Variants in GABRB3 observed in about 807,000 individuals in gnomAD.
GABRB3 encodes the protein gamma-aminobutyric acid type A receptor subunit beta3, also known as gamma-aminobutyric acid receptor subunit beta-3.
In GABRB3, 14 loss-of-function variants were observed where a neutral mutation model predicts 52.1. That is an observed-to-expected ratio of 0.27 (90% CI 0.18 to 0.42). The LOEUF is 0.42. Among genes scored for constraint, GABRB3 ranks in the 10% least tolerant of loss-of-function variants. The pLI is 1.00. For synonymous variants in GABRB3, 260 were observed against 232.3 expected (o/e 1.12, Z -1.08); for missense variants, 307 against 609.1 (o/e 0.50, Z 5.22).
Position 26,621,597 on chromosome 15 carries a change from G to C in GABRB3, c.241-63C>G. On this transcript the variant is annotated intron_variant, in intron 3 of 8. Coordinates refer to ENST00000311550, the MANE Select transcript of GABRB3 (RefSeq NM_000814.6). This position sits in a 1 kb window ranked among gnomAD's most constrained non-coding sequence, Gnocchi z 4.1. ...CCAGCCACAGGTGTATTTCCTCCAC[G>C]ACCAGCCAAATTCAGGTTGCAATCT... 1 of 1,332,486 alleles carries C rather than the reference G, an allele frequency of 7.5e-7. No individual in the cohort carries two copies. Among genetic ancestry groups the C allele is most frequent in the Non-Finnish European group, 1.1e-6 (1 of 938,432 alleles). The allele number at this position is 1,332,486 out of a possible 1,614,324, so 82.5% of individuals were successfully genotyped here.
At chr15:26,743,113 A>T (rs571543416) in intron 3 of GABRB3, among the ~76,000 whole-genome samples, 1 of 151,954 alleles carries the variant, frequency 6.6e-6, no homozygotes, top group Non-Finnish European at 1.5e-5. Context: ...TATTTTTAGT[A>T]GAGATGGTGT....
At chr15:26,597,137 CCCCA>C (rs1437774344) in intron 4 of GABRB3, among the ~76,000 whole-genome samples, 3 of 152,166 alleles carry the variant, frequency 2.0e-5, no homozygotes, top group Non-Finnish European at 4.4e-5. Context: ...CTCTTAAAGG[CCCCA>C]CCTCTCCATG....
intron 3 of GABRB3, among the ~76,000 whole-genome samples, chr15:26,727,821 A>G (rs1241525921): frequency 1.3e-5 from 2 of 152,204 alleles, no homozygotes; most frequent in African/African-American, 4.8e-5. Flanking sequence ...AGGTTCATAC[A>G]AGCCTTACTT....
chr15:26,738,767 C>G (rs1890129661), intron 3 of GABRB3, among the ~76,000 whole-genome samples: 1 of 152,134 alleles, frequency 6.6e-6, no homozygotes, highest in Non-Finnish European at 1.5e-5. Flanking sequence ...TCCAGGAGGA[C>G]CAGGGCTTAC....
intron 3 of GABRB3, among the ~76,000 whole-genome samples, chr15:26,661,715 G>A (rs897911658): frequency 2.0e-5 from 3 of 152,106 alleles, no homozygotes; most frequent in Non-Finnish European, 4.4e-5. Context: ...TTGCAATGAA[G>A]TGAGGGGACA....
At chr15:26,611,630 A>C (rs991278375) in intron 4 of GABRB3, among the ~76,000 whole-genome samples, 1 of 152,212 alleles carries the variant, frequency 6.6e-6, no homozygotes, top group Non-Finnish European at 1.5e-5. Context: ...GTATGAAAAA[A>C]CAGAAAGTCC....
At chr15:26,662,640 T>C (rs1887586399) in intron 3 of GABRB3, among the ~76,000 whole-genome samples, 1 of 152,186 alleles carries the variant, frequency 6.6e-6, no homozygotes, top group Non-Finnish European at 1.5e-5. Context: ...ACCCTGGTCC[T>C]TGCACGCACA....
chr15:26,639,932 C>A (rs545225821), intron 3 of GABRB3, among the ~76,000 whole-genome samples: 1 of 152,154 alleles, frequency 6.6e-6, no homozygotes, highest in Non-Finnish European at 1.5e-5. Flanking sequence ...GTCTATGATG[C>A]CAACAAGAGT....
intron 3 of GABRB3, among the ~76,000 whole-genome samples, chr15:26,649,512 A>G (rs1163593669): frequency 6.6e-6 from 1 of 152,190 alleles, no homozygotes; most frequent in Non-Finnish European, 1.5e-5. Context: ...CTGTTATAGC[A>G]GCAGGAATGG....
In GABRB3 at chr15:26,679,137, G is replaced by T. The variant is rs138239751; in HGVS notation, c.241-57603C>A. ...ACCAACACTTCAGTCATACCTTATG[G>T]GACATGAGGTGTGGGTTGTTGTCTT... is the stretch of plus-strand genomic sequence containing the variant. On this transcript the variant is annotated intron_variant, in intron 3 of 8. Coordinates refer to ENST00000311550, the MANE Select transcript of GABRB3 (RefSeq NM_000814.6). Among the ~76,000 whole-genome samples, 25 of 152,176 alleles carry T rather than the reference G, an allele frequency of 1.6e-4. No homozygotes were observed. The East Asian group carries it at 3.7e-3, about 22-fold the overall frequency.
chr15:26,671,654 G>A (rs1447624689), intron 3 of GABRB3, among the ~76,000 whole-genome samples: 1 of 152,116 alleles, frequency 6.6e-6, no homozygotes, highest in Non-Finnish European at 1.5e-5. Context: ...GATTAGTTGG[G>A]GTAGGCTTTC....
At chr15:26,587,240 C>A (rs1366207519) in intron 4 of GABRB3, among the ~76,000 whole-genome samples, 2 of 152,112 alleles carry the variant, frequency 1.3e-5, no homozygotes, top group Non-Finnish European at 2.9e-5. Context: ...AAAATGGAGC[C>A]ACTTTTTTCT....
chr15:26,725,418 T>TCCACCCACTGACTG, intron 3 of GABRB3, among the ~76,000 whole-genome samples: 1 of 152,130 alleles, frequency 6.6e-6, no homozygotes, highest in Non-Finnish European at 1.5e-5. Context: ...CCCTTATTGA[T>TCCACCCACTGACTG]CCACCCACTG....
At chr15:26,589,211 C>CA (rs1891104578) in intron 4 of GABRB3, among the ~76,000 whole-genome samples, 1 of 152,206 alleles carries the variant, frequency 6.6e-6, no homozygotes, top group South Asian at 2.1e-4. Context: ...AGGGCAGATG[C>CA]AAACTCTTCA....
intron 3 of GABRB3, among the ~76,000 whole-genome samples, chr15:26,695,544 G>A (rs1321530135): frequency 6.6e-6 from 1 of 152,034 alleles, no homozygotes; most frequent in Non-Finnish European, 1.5e-5. Context: ...AACAGAAATT[G>A]AGGAAATTTG....
chr15:26,739,217 C>T (rs1313427166), intron 3 of GABRB3, among the ~76,000 whole-genome samples: 1 of 152,006 alleles, frequency 6.6e-6, no homozygotes, highest in Non-Finnish European at 1.5e-5. Flanking sequence ...GGCCGTCCTA[C>T]ATCACACTCA....
At chr15:26,575,093 G>A (rs1337750555) in intron 6 of GABRB3, among the ~76,000 whole-genome samples, 1 of 152,094 alleles carries the variant, frequency 6.6e-6, no homozygotes, top group Admixed American at 6.5e-5. Flanking sequence ...TTTCACCATT[G>A]AGCACAGTTT....
rs1555383014 is a variant in GABRB3, at chr15:26,760,805, G to GCATGCACACA, written c.240+11596_240+11597insTGTGTGCATG. 9.1e-4 allele frequency among the ~76,000 whole-genome samples: 16 copies of GCATGCACACA among 17,660 alleles called. No homozygotes were observed. In the East Asian group the frequency reaches 0.049, roughly 54 times the overall value. The allele number at this position is 17,660 out of a possible 152,430, so 11.6% of individuals were successfully genotyped here. ...TCTAAATGCCAACACACACACACGC[G>GCATGCACACA]CACGCACACACACACACACACAAGC... is the stretch of plus-strand genomic sequence containing the variant. On this transcript the variant is annotated intron_variant, in intron 3 of 8. Coordinates refer to ENST00000311550, the MANE Select transcript of GABRB3 (RefSeq NM_000814.6).
intron 3 of GABRB3, chr15:26,772,032 C>T (rs891684638): frequency 4.3e-5 from 10 of 231,182 alleles, no homozygotes; most frequent in Non-Finnish European, 7.4e-5. Flanking sequence ...CATCTCGCCT[C>T]TCCCGGTTCC....
Sources: gnomAD v4.1 joint callset for allele counts (sites outside exome capture counted in the v4.1 genomes callset) on GRCh38, gnomAD v4.1.1 for gene constraint, Gnocchi (gnomAD v3.1) non-coding constraint, MANE v1.5 for transcripts, NCBI Gene and HGNC (gene_info 2026-07-23, HGNC 2026-07-21) for gene names.